SLC25A14: variants seen among roughly 807,000 people sequenced by gnomAD.
SLC25A14 encodes brain mitochondrial carrier protein 1.
A neutral mutation model predicts 28.1 loss-of-function variants in SLC25A14; 8 were observed. The ratio of observed to expected loss-of-function variants is 0.28; its 90% confidence interval spans 0.17 to 0.51. The LOEUF (loss-of-function observed/expected upper bound fraction) is 0.51, where lower values mean the gene tolerates loss of function less well. SLC25A14 is among the 20% of genes least tolerant of loss of function. SLC25A14 has a pLI of 0.97. For missense variants in SLC25A14, 135 were observed against 263.8 expected (o/e 0.51, Z 3.38); for synonymous variants, 74 against 90.6 (o/e 0.82, Z 1.04).
intron 5 of SLC25A14, chrX:130,349,903 A>C (rs1453019503): frequency 9.0e-6 from 1 of 111,513 alleles, no homozygotes; most frequent in African/African-American, 3.3e-5. Context: ...TATTGTCCTA[A>C]AGTCAACTTT....
In SLC25A14 at chrX:130,364,678, A is replaced by T. The variant is rs1380711236; in HGVS notation, c.645A>T (p.Leu215=). 8.3e-7 allele frequency: 1 copy of T among 1,207,756 alleles called. No homozygotes were observed. Among genetic ancestry groups the T allele is most frequent in the African/African-American group, 1.7e-5 (1 of 57,151 alleles). Residue 215 remains leucine, a synonymous_variant, in exon 8 of 11, where the codon CTA becomes CTT. Coordinates refer to ENST00000545805, the MANE Select transcript of SLC25A14 (RefSeq NM_001282195.2). ...QRAAIVVGVE[L]PVYDITKKHL... is the part of the protein sequence containing the mutation. ...CTGCCATCGTTGTAGGAGTAGAGCT[A>T]CCAGTCTATGATATTACTAAGAAGC... is the stretch of plus-strand genomic sequence containing the variant.
chrX:130,367,939 C>T (rs888908670), intron 9 of SLC25A14, among the ~76,000 whole-genome samples: 3 of 112,383 alleles, frequency 2.7e-5, no homozygotes, highest in African/African-American at 6.5e-5. Context: ...CCCGCCACTA[C>T]GCCTGGCTTA....
chrX:130,348,768 A>T (rs2033524632), intron 4 of SLC25A14, among the ~76,000 whole-genome samples: 4 of 63,642 alleles, frequency 6.3e-5, no homozygotes, highest in Admixed American at 2.1e-4. Flanking sequence ...TAGATTATTG[A>T]TTTGAGACTC....
At chrX:130,341,565 G>A (rs769888413) in intron 2 of SLC25A14, among the ~76,000 whole-genome samples, 96 of 111,817 alleles carry the variant, frequency 8.6e-4, no homozygotes, top group Non-Finnish European at 1.3e-3. Flanking sequence ...GGCACCCAGA[G>A]TTTCCTGACC....
chrX:130,358,499 A>T (rs903078952), intron 6 of SLC25A14, 141 bp from the exon 7 acceptor site: 18 of 417,646 alleles, frequency 4.3e-5, no homozygotes, highest in Non-Finnish European at 6.8e-5. Context: ...CTTTATCATA[A>T]TAGCAGATAT....
rs141393605 is a variant in SLC25A14 at position 130,358,279 on chromosome X, G to A, written c.499-361G>A. Among the ~76,000 whole-genome samples the A allele has an allele frequency of 5.6e-4, 62 of 111,636 alleles. No individual in the cohort carries two copies. The East Asian group carries it at 0.013, about 23-fold the overall frequency. The stretch of plus-strand genomic sequence containing the variant: ...TGTATAATTTCTGTAACCAACCTGT[G>A]TAGTTGTTTTTGGATATTAAGTTGT... On this transcript the variant is annotated intron_variant, in intron 6 of 10. Coordinates refer to ENST00000545805, the MANE Select transcript of SLC25A14 (RefSeq NM_001282195.2).
chrX:130,370,236 A>G (rs910636351), intron 9 of SLC25A14, among the ~76,000 whole-genome samples: 2 of 112,290 alleles, frequency 1.8e-5, no homozygotes, highest in Non-Finnish European at 3.8e-5. Context: ...AGTAGTTAGT[A>G]AGGATAATTA....
At chrX:130,359,352 C>CAAAAAAA (rs55826694) in intron 7 of SLC25A14, among the ~76,000 whole-genome samples, 2 of 26,150 alleles carry the variant, frequency 7.6e-5, no homozygotes, top group African/African-American at 1.3e-4. Context: ...GACTCTGTCT[C>CAAAAAAA]AAAAAAAAAA....
At chrX:130,347,446 G>A (rs2033476887) in intron 4 of SLC25A14, among the ~76,000 whole-genome samples, 1 of 111,609 alleles carries the variant, frequency 9.0e-6, no homozygotes, top group African/African-American at 3.3e-5. Flanking sequence ...AATAAAGTCA[G>A]AAATATGCAT....
Position 130,339,987 on chromosome X carries a change from G to A in SLC25A14, c.-173+11G>A, listed in dbSNP as rs2033191510. 2 of 915,630 alleles carry A rather than the reference G, an allele frequency of 2.2e-6. No homozygotes were observed. Among genetic ancestry groups the A allele is most frequent in the African/African-American group, 2.1e-5 (1 of 48,356 alleles). 75.5% of individuals were successfully genotyped at this position (915,630 alleles called of 1,213,427 possible). ...GATGAGCCCGAGCAGGTGAGGGGGA[G>A]CTCCTGGACTTCCAGGCTGGGGAGC... On this transcript the variant is annotated intron_variant, in intron 1 of 10. Transcript: ENST00000545805.
Position 130,350,641 on chromosome X carries a change from C to T in SLC25A14, c.413-5C>T. 8.9e-7 allele frequency: 1 copy of T among 1,128,212 alleles called. No homozygotes were observed. The highest frequency in any genetic ancestry group is 1.2e-6 in the Non-Finnish European group (1 of 831,366). 93.0% of individuals were successfully genotyped at this position (1,128,212 alleles called of 1,213,427 possible). On this transcript the variant is annotated splice_polypyrimidine_tract_variant and splice_region_variant and intron_variant, in intron 5 of 10. Transcript: ENST00000545805. ...AGACCTTTCTTTTTCTTTTCCTTTTCACAGATGAAACTCTTTTAATTAATA... is the reference window on the plus strand; with the variant it reads ...AGACCTTTCTTTTTCTTTTCCTTTTTACAGATGAAACTCTTTTAATTAATA...
chrX:130,356,614 T>A (rs1282684955), intron 6 of SLC25A14, among the ~76,000 whole-genome samples: 1 of 111,344 alleles, frequency 9.0e-6, no homozygotes, highest in Non-Finnish European at 1.9e-5. Context: ...CTGGGAAGTT[T>A]CAACCATTAT....
At chrX:130,358,477 TTAAC>T (rs1348677643) in intron 6 of SLC25A14, among the ~76,000 whole-genome samples, 159 bp from the exon 7 acceptor site, 2 of 112,394 alleles carry the variant, frequency 1.8e-5, no homozygotes, top group Admixed American at 1.9e-4. Context: ...TCTATACAGT[TTAAC>T]TAATTAACTT....
At chrX:130,362,704 G>T (rs563791622) in intron 7 of SLC25A14, among the ~76,000 whole-genome samples, 2 of 111,841 alleles carry the variant, frequency 1.8e-5, no homozygotes, top group African/African-American at 6.5e-5. Context: ...TATCATAAGC[G>T]TTTTCTTGTG....
intron 3 of SLC25A14, among the ~76,000 whole-genome samples, chrX:130,345,779 G>A (rs2033416489): frequency 9.0e-6 from 1 of 110,852 alleles, no homozygotes; most frequent in African/African-American, 3.3e-5. Context: ...AACTATTCAT[G>A]AGTGACTACT....
intron 2 of SLC25A14, among the ~76,000 whole-genome samples, chrX:130,341,725 A>C (rs963744399): frequency 8.9e-6 from 1 of 112,471 alleles, no homozygotes; most frequent in East Asian, 2.8e-4. Flanking sequence ...TATACAGTAA[A>C]AATATTTAGG....
At chrX:130,361,723 C>T (rs979629009) in intron 7 of SLC25A14, among the ~76,000 whole-genome samples, 2 of 111,789 alleles carry the variant, frequency 1.8e-5, no homozygotes, top group Non-Finnish European at 3.8e-5. Flanking sequence ...GCACAGTCCC[C>T]GTTGAGAGAG....
intron 7 of SLC25A14, chrX:130,359,222 G>A (rs1347070362): frequency 6.8e-6 from 2 of 294,175 alleles, no homozygotes; most frequent in African/African-American, 2.8e-5. Context: ...GCATGGTGGT[G>A]CATGGCTGTA....
At chrX:130,371,727 C>A in intron 10 of SLC25A14, 83 bp downstream of exon 10, 1 of 674,801 alleles carries the variant, frequency 1.5e-6, no homozygotes, top group Non-Finnish European at 2.3e-6. Context: ...ATTATTAAAG[C>A]CTTTTAGGCT....
Sources: allele counts gnomAD v4.1 joint callset (sites outside exome capture counted in the v4.1 genomes callset), GRCh38; gene constraint gnomAD v4.1.1; transcripts MANE v1.5; gene names NCBI Gene and HGNC (gene_info 2026-07-23, HGNC 2026-07-21).